PTK7: variants seen among roughly 807,000 people sequenced by gnomAD.
The protein encoded by PTK7 is protein tyrosine kinase 7 (inactive), also known as inactive tyrosine-protein kinase 7.
Under a neutral mutation model 116.6 loss-of-function variants are expected in PTK7, and 39 were observed. The observed-to-expected ratio is 0.33, with a 90% CI of 0.26 to 0.44. PTK7 has a LOEUF of 0.44. Ranked by LOEUF, PTK7 falls within the 20% of genes least tolerant of loss-of-function variation. The pLI is 1.00. For synonymous variants in PTK7, 546 were observed against 563.6 expected (o/e 0.97, Z 0.44); for missense variants, 1,169 against 1,425.6 (o/e 0.82, Z 2.90).
rs1769464625 is a variant in PTK7 at position 43,128,968 on chromosome 6, C to G, written c.80-9C>G. 1 of 1,595,778 alleles carries G rather than the reference C, an allele frequency of 6.3e-7. No individual in the cohort carries two copies. The highest frequency in any genetic ancestry group is 8.6e-7 in the Non-Finnish European group (1 of 1,168,896). ...CCTGACCCTGCCTCTCCCCTGTTTG[C>G]ATCTACAGGTACCCAGACAGCCATT... On this transcript the variant is annotated splice_polypyrimidine_tract_variant and intron_variant, in intron 1 of 19. Transcript: ENST00000230419.
rs59033917 is a variant in PTK7 at position 43,149,059 on chromosome 6, C to CA, written c.2721+2383dup. On this transcript the variant is annotated intron_variant, in intron 17 of 19. Transcript: ENST00000230419. ...GGGAGACAAGAGCAAGACTTTGTCT[C>CA]AAAAAAAAAAAAAAAAAAAAAAGAA... 3.8e-3 allele frequency among the ~76,000 whole-genome samples: 264 copies of CA among 69,700 alleles called. 2 individuals carry two copies. The highest frequency in any genetic ancestry group is 0.011 in the Middle Eastern group (1 of 88). 45.7% of individuals were successfully genotyped at this position (69,700 alleles called of 152,430 possible). A position where few individuals can be genotyped will look rare whatever the true frequency, so the allele number is the denominator to read the frequency against.
rs1771843965 is a variant in PTK7 at position 43,161,522 on chromosome 6, C to G, written c.*641C>G. 1 of 151,572 alleles carries G rather than the reference C, an allele frequency of 6.6e-6. No homozygotes were observed. Among genetic ancestry groups the G allele is most frequent in the South Asian group, 2.1e-4 (1 of 4,778 alleles). The allele number at this position is 151,572 out of a possible 1,614,324, so 9.4% of individuals were successfully genotyped here. On this transcript the variant is annotated 3_prime_UTR_variant, in exon 20 of 20. Transcript: ENST00000230419. ...ATATAAACCGCCCTTTTTGTATGCACCACGGGCGGCTTTTATATGTAATTG... is the reference window on the plus strand; with the variant it reads ...ATATAAACCGCCCTTTTTGTATGCAGCACGGGCGGCTTTTATATGTAATTG...
rs1404067090 is a variant in PTK7 at position 43,076,534 on chromosome 6, C to T, written c.46C>T (p.Leu16=). Residue 16 remains leucine, a synonymous_variant, in exon 1 of 20, where the codon CTG becomes TTG. Transcript: ENST00000230419. The surrounding 1 kb of genome is among the most constrained non-coding windows in gnomAD (Gnocchi z 5.7). Reference sequence around the variant, plus strand: ...CCCGGCCAGACCCCGCCGGTTGCCTCTGCTCAGCGTCCTGCTGCTGCCGCT... The same window carrying T: ...CCCGGCCAGACCCCGCCGGTTGCCTTTGCTCAGCGTCCTGCTGCTGCCGCT... ...GSPARPRRLP[L]LSVLLLPLLG... is the part of the protein sequence containing the mutation. The T allele has an allele frequency of 2.5e-6, 4 of 1,578,988 alleles. No homozygotes were observed. The highest frequency in any genetic ancestry group is 3.4e-6 in the Non-Finnish European group (4 of 1,166,976).
chr6:43,145,593 G>C lies in PTK7; in HGVS notation c.2640+161G>C. The C allele has an allele frequency of 4.3e-6, 2 of 469,634 alleles. No homozygotes were observed. Among genetic ancestry groups the C allele is most frequent in the Middle Eastern group, 5.5e-4 (1 of 1,804 alleles). The allele number at this position is 469,634 out of a possible 1,614,324, so 29.1% of individuals were successfully genotyped here. A position where few individuals can be genotyped will look rare whatever the true frequency, so the allele number is the denominator to read the frequency against. ...CACTTTGCCCACCTTATGATGCTCA[G>C]CTTCTGCCTTCCCTGCTCTTGGATG... On this transcript the variant is annotated intron_variant, in intron 16 of 19. Coordinates refer to ENST00000230419, the MANE Select transcript of PTK7 (RefSeq NM_002821.5). The surrounding 1 kb of genome is among the most constrained non-coding windows in gnomAD (Gnocchi z 4.8).
intron 1 of PTK7, among the ~76,000 whole-genome samples, chr6:43,095,117 T>C: frequency 6.7e-6 from 1 of 148,654 alleles, no homozygotes; most frequent in East Asian, 2.0e-4. Context: ...CCCAGCACTT[T>C]GGGAGGCTGA....
chr6:43,149,699 A>C (rs900731219), intron 17 of PTK7, among the ~76,000 whole-genome samples: 1 of 152,206 alleles, frequency 6.6e-6, no homozygotes, highest in African/African-American at 2.4e-5. Flanking sequence ...GCAACAACAA[A>C]AAAGAAATGC....
chr6:43,127,191 T>C (rs550121729), intron 1 of PTK7, among the ~76,000 whole-genome samples: 1 of 152,342 alleles, frequency 6.6e-6, no homozygotes, highest in African/African-American at 2.4e-5. Context: ...TTTCTGCCCT[T>C]GCCCAGCCAG....
chr6:43,132,773 C>A, intron 7 of PTK7, 86 bp downstream of exon 7: 1 of 1,525,244 alleles, frequency 6.6e-7, no homozygotes, highest in Non-Finnish European at 8.9e-7. Flanking sequence ...CTGGTACTCA[C>A]CTGAGGTCCT....
intron 1 of PTK7, chr6:43,077,071 G>C: frequency 7.9e-7 from 1 of 1,273,688 alleles, no homozygotes; most frequent in Non-Finnish European, 1.0e-6. Context: ...CCGACCCGAC[G>C]TTCCCGGCTT....
intron 1 of PTK7, among the ~76,000 whole-genome samples, chr6:43,117,576 T>G (rs1768633024): frequency 6.6e-6 from 1 of 152,180 alleles, no homozygotes; most frequent in Admixed American, 6.5e-5. Context: ...TCCGATTTCC[T>G]TGTCTATAAA....
chr6:43,139,298 C>A lies in PTK7; in HGVS notation c.1498+27C>A. 6.2e-7 allele frequency: 1 copy of A among 1,614,224 alleles called. No individual in the cohort carries two copies. The highest frequency in any genetic ancestry group is 8.5e-7 in the Non-Finnish European group (1 of 1,180,028). ...TGAGCCAGCATGTCTTGGGGGAGCACCCTTCCTGGCTAGGCAGGAGAGGAA... is the reference window on the plus strand; with the variant it reads ...TGAGCCAGCATGTCTTGGGGGAGCAACCTTCCTGGCTAGGCAGGAGAGGAA... On this transcript the variant is annotated intron_variant, in intron 9 of 19. Transcript: ENST00000230419. The surrounding 1 kb of genome is among the most constrained non-coding windows in gnomAD (Gnocchi z 4.6).
intron 7 of PTK7, 78 bp from the exon 8 acceptor site, chr6:43,138,771 T>G: frequency 6.6e-7 from 1 of 1,513,800 alleles, no homozygotes; most frequent in East Asian, 2.3e-5. Flanking sequence ...AGAATGGTAG[T>G]AGGATTTCTT....
At position 43,096,107 on chromosome 6, in the gene PTK7, G is replaced by A. The variant is rs193001734; in HGVS notation, c.79+19540G>A. On this transcript the variant is annotated intron_variant, in intron 1 of 19. Transcript: ENST00000230419. The stretch of plus-strand genomic sequence containing the variant: ...GGACCTCTGTGGGTCTCCCGCCAGC[G>A]GCTGGCCTCTCGGGTGAAGATGTGG... Among the ~76,000 whole-genome samples the A allele has an allele frequency of 5.3e-5, 8 of 152,288 alleles. No homozygotes were observed. The East Asian group carries it at 1.4e-3, about 26-fold the overall frequency.
chr6:43,150,976 C>G (rs941362666), intron 17 of PTK7, among the ~76,000 whole-genome samples: 6 of 151,200 alleles, frequency 4.0e-5, no homozygotes, highest in African/African-American at 1.5e-4. Flanking sequence ...GAGCCCGCCA[C>G]CACACCCAAC....
intron 1 of PTK7, among the ~76,000 whole-genome samples, chr6:43,103,263 G>A (rs886902490): frequency 2.0e-5 from 3 of 152,204 alleles, no homozygotes; most frequent in East Asian, 1.9e-4. Context: ...AAAACCAGTC[G>A]AAGGGGGTGA....
Position 43,129,517 on chromosome 6 carries a change from C to T in PTK7, c.368-210C>T. On this transcript the variant is annotated intron_variant, in intron 2 of 19. Coordinates refer to ENST00000230419, the MANE Select transcript of PTK7 (RefSeq NM_002821.5). The surrounding 1 kb of genome is among the most constrained non-coding windows in gnomAD (Gnocchi z 4.5). ...GTGCAAATGGAAAGGGCGGCCGAGC[C>T]CTTGGCCAAGTGTCAGACTTGACCT... is the stretch of plus-strand genomic sequence containing the variant. 1 of 699,898 alleles carries T rather than the reference C, an allele frequency of 1.4e-6. No homozygotes were observed. Among genetic ancestry groups the T allele is most frequent in the Non-Finnish European group, 2.3e-6 (1 of 427,902 alleles). 43.4% of individuals were successfully genotyped at this position (699,898 alleles called of 1,614,324 possible). A position where few individuals can be genotyped will look rare whatever the true frequency, so the allele number is the denominator to read the frequency against.
chr6:43,077,069 A>T (rs1766076268), intron 1 of PTK7: 2 of 1,279,362 alleles, frequency 1.6e-6, no homozygotes, highest in African/African-American at 3.1e-5. Flanking sequence ...CGCCGACCCG[A>T]CGTTCCCGGC....
intron 1 of PTK7, among the ~76,000 whole-genome samples, chr6:43,081,988 G>C (rs1431616964): frequency 6.6e-6 from 1 of 152,158 alleles, no homozygotes; most frequent in East Asian, 1.9e-4. Context: ...CTTTCTCCAA[G>C]TTCTGTGCGT....
At chr6:43,142,646 T>C (rs1039164115) in intron 13 of PTK7, 1 of 384,658 alleles carries the variant, frequency 2.6e-6, no homozygotes, top group Non-Finnish European at 5.0e-6. Flanking sequence ...AAGGTTCTTT[T>C]CTCCAGGAGG....
Sources: allele counts gnomAD v4.1 joint callset (sites outside exome capture counted in the v4.1 genomes callset), GRCh38; gene constraint gnomAD v4.1.1; non-coding constraint Gnocchi (gnomAD v3.1); transcripts MANE v1.5; gene names NCBI Gene and HGNC (gene_info 2026-07-23, HGNC 2026-07-21).